The following SH3KBP1 variants were observed in gnomAD, a reference collection of about 807,000 sequenced individuals.
SH3KBP1 encodes the protein SH3 domain containing kinase binding protein 1, also known as SH3 domain-containing kinase-binding protein 1.
Under a neutral mutation model 50.1 loss-of-function variants are expected in SH3KBP1, and 8 were observed. The observed-to-expected ratio is 0.16, with a 90% CI of 0.09 to 0.29. The LOEUF (loss-of-function observed/expected upper bound fraction) is 0.29, where lower values mean the gene tolerates loss of function less well. SH3KBP1 is among the 10% of genes least tolerant of loss of function. The pLI is 1.00. For missense variants in SH3KBP1, 377 were observed against 535.2 expected (o/e 0.70, Z 2.92); for synonymous variants, 227 against 218.6 (o/e 1.04, Z -0.34).
At chrX:19,674,508 G>A (rs1255774825) in intron 6 of SH3KBP1, among the ~76,000 whole-genome samples, 3 of 112,198 alleles carry the variant, frequency 2.7e-5, no homozygotes, top group African/African-American at 9.7e-5. Flanking sequence ...ATGGAAGAGT[G>A]AATCTTAGCT....
rs749178723 is a variant in SH3KBP1, at chrX:19,746,290, G to GA, written c.286+27dup. ...TTTCCAGCTTTTGTTTGTGTGCAGG[G>GA]AGGGAACCTCTTTTTCCTTTTCCAT... On this transcript the variant is annotated intron_variant, in intron 3 of 17. Transcript: ENST00000397821. The GA allele has an allele frequency of 4.1e-6, 5 of 1,205,298 alleles. No homozygotes were observed. The African/African-American group carries it at 8.8e-5, about 21-fold the overall frequency.
intron 12 of SH3KBP1, among the ~76,000 whole-genome samples, chrX:19,573,802 C>G (rs1015613700): frequency 9.0e-6 from 1 of 111,102 alleles, no homozygotes; most frequent in Admixed American, 9.6e-5. Context: ...GAGTTATGAA[C>G]CCTAGACTTA....
intron 4 of SH3KBP1, among the ~76,000 whole-genome samples, chrX:19,702,879 T>C (rs1405591798): frequency 8.9e-6 from 1 of 112,535 alleles, no homozygotes; most frequent in Non-Finnish European, 1.9e-5. Context: ...ATGATTTCTT[T>C]AAAAATATCA....
chrX:19,732,282 C>T (rs2064403510), intron 3 of SH3KBP1, among the ~76,000 whole-genome samples: 1 of 110,684 alleles, frequency 9.0e-6, no homozygotes, highest in Non-Finnish European at 1.9e-5. Context: ...TTGAAATATA[C>T]AATATAACAC....
At chrX:19,736,329 A>G (rs1223287339) in intron 3 of SH3KBP1, among the ~76,000 whole-genome samples, 1 of 112,138 alleles carries the variant, frequency 8.9e-6, no homozygotes, top group East Asian at 2.8e-4. Flanking sequence ...TTGTTTTACA[A>G]ATGGGAAACC....
intron 6 of SH3KBP1, among the ~76,000 whole-genome samples, chrX:19,676,561 T>C (rs1200877730): frequency 9.0e-6 from 1 of 111,403 alleles, no homozygotes; most frequent in East Asian, 2.8e-4. Context: ...CATGATGTGC[T>C]TATTTCACAG....
At chrX:19,611,668 A>T (rs1352108080) in intron 8 of SH3KBP1, among the ~76,000 whole-genome samples, 2 of 111,462 alleles carry the variant, frequency 1.8e-5, no homozygotes, top group Non-Finnish European at 1.9e-5. Context: ...ATAACTTTAG[A>T]TCCCATACAC....
At chrX:19,561,073 A>C (rs5909316) in intron 13 of SH3KBP1, among the ~76,000 whole-genome samples, 15,500 of 77,243 alleles carry the variant, frequency 0.2, 821 homozygotes, top group African/African-American at 0.39. Context: ...GACCCTGTCT[A>C]AAAAAAAAAA....
At chrX:19,670,895 T>C in intron 6 of SH3KBP1, 1 of 1,149,298 alleles carries the variant, frequency 8.7e-7, no homozygotes. Flanking sequence ...CCTCCTCTCT[T>C]CAGTTTGAAA....
intron 2 of SH3KBP1, among the ~76,000 whole-genome samples, chrX:19,820,175 T>C: frequency 8.9e-6 from 1 of 112,197 alleles, no homozygotes; most frequent in Non-Finnish European, 1.9e-5. Context: ...AAAAAATGTG[T>C]TTTGTGCTGT....
At chrX:19,634,562 A>G (rs1008685856) in intron 7 of SH3KBP1, among the ~76,000 whole-genome samples, 4 of 111,579 alleles carry the variant, frequency 3.6e-5, no homozygotes, top group Non-Finnish European at 7.5e-5. Flanking sequence ...AACCGGACAC[A>G]GAGCTCCCAC....
chrX:19,572,452 A>C (rs928758957), intron 12 of SH3KBP1, among the ~76,000 whole-genome samples: 5 of 107,113 alleles, frequency 4.7e-5, no homozygotes, highest in Non-Finnish European at 9.5e-5. Flanking sequence ...AGTACATGTT[A>C]TATATAGTAC....
intron 6 of SH3KBP1, chrX:19,670,957 C>G: frequency 8.9e-7 from 1 of 1,125,882 alleles, no homozygotes; most frequent in Non-Finnish European, 1.2e-6. Context: ...CAGCACGGAG[C>G]CTGAGGACCC....
chrX:19,653,379 T>A lies in SH3KBP1; in HGVS notation c.727-7904A>T, dbSNP rs774306751. Among the ~76,000 whole-genome samples, 7 of 111,556 alleles carry A rather than the reference T, an allele frequency of 6.3e-5. No individual in the cohort carries two copies. In the East Asian group the frequency reaches 2.0e-3, roughly 32 times the overall value. ...CTCAATTTTTAATCATCTTCTGCCA[T>A]CATCTCTTACACACCCCTACACCAA... is the stretch of plus-strand genomic sequence containing the variant. On this transcript the variant is annotated intron_variant, in intron 6 of 17. Coordinates refer to ENST00000397821, the MANE Select transcript of SH3KBP1 (RefSeq NM_031892.3).
At chrX:19,553,896 TTA>T (rs1426322683) in intron 13 of SH3KBP1, among the ~76,000 whole-genome samples, 3 of 80,150 alleles carry the variant, frequency 3.7e-5, no homozygotes, top group African/African-American at 9.5e-5. Context: ...ATATTATATA[TTA>T]TATATATAAA....
At chrX:19,616,592 A>T (rs1392065727) in intron 8 of SH3KBP1, among the ~76,000 whole-genome samples, 1 of 111,309 alleles carries the variant, frequency 9.0e-6, no homozygotes, top group African/African-American at 3.3e-5. Context: ...CGATTATATT[A>T]TCTCAACAGT....
intron 15 of SH3KBP1, among the ~76,000 whole-genome samples, chrX:19,543,096 G>A (rs895178230): frequency 8.9e-6 from 1 of 111,749 alleles, no homozygotes; most frequent in South Asian, 3.7e-4. Context: ...GGCAAGCACA[G>A]CCGACATAGA....
chrX:19,593,678 T>C (rs1284927412), intron 10 of SH3KBP1, among the ~76,000 whole-genome samples: 1 of 111,257 alleles, frequency 9.0e-6, no homozygotes, highest in Non-Finnish European at 1.9e-5. Flanking sequence ...GTATCATTCC[T>C]AGAGACACAG....
At chrX:19,595,073 A>C in intron 9 of SH3KBP1, 73 bp from the exon 10 acceptor site, 8 of 751,379 alleles carry the variant, frequency 1.1e-5, no homozygotes, top group Non-Finnish European at 1.3e-5. Context: ...GACCACAGAC[A>C]TTGTTTTCTA....
Sources: gnomAD v4.1 joint callset for allele counts (sites outside exome capture counted in the v4.1 genomes callset) on GRCh38, gnomAD v4.1.1 for gene constraint, MANE v1.5 for transcripts, NCBI Gene and HGNC (gene_info 2026-07-23, HGNC 2026-07-21) for gene names.